Variants in FAM107B observed in about 807,000 individuals in gnomAD.
FAM107B encodes family with sequence similarity 107 member B.
FAM107B carries 21 observed loss-of-function variants against 31.5 expected under a neutral mutation model. That is an observed-to-expected ratio of 0.67 (90% CI 0.47 to 0.96). The LOEUF (loss-of-function observed/expected upper bound fraction) is 0.96. Among genes scored for constraint, FAM107B ranks in the 40% least tolerant of loss-of-function variants. The pLI, the probability that FAM107B is intolerant of heterozygous loss-of-function variation, is 0.00. For synonymous variants in FAM107B, 157 were observed against 141.5 expected, an observed-to-expected ratio of 1.11 and a Z score of -0.78; for missense variants, 452 against 377.1, an observed-to-expected ratio of 1.20 and a Z score of -1.64.
At chr10:14,645,024 G>A (rs1853718549) in intron 2 of FAM107B, among the ~76,000 whole-genome samples, 1 of 152,174 alleles carries the variant, frequency 6.6e-6, no homozygotes, top group African/African-American at 2.4e-5. Flanking sequence ...GTGTCACGGG[G>A]AATCCATTTC....
At chr10:14,690,638 G>C (rs1024461817) in intron 1 of FAM107B, among the ~76,000 whole-genome samples, 1 of 152,004 alleles carries the variant, frequency 6.6e-6, no homozygotes, top group African/African-American at 2.4e-5. Context: ...ATTTTTAGTA[G>C]AGACAGGGTT....
chr10:14,674,022 T>C (rs994049357), intron 1 of FAM107B, among the ~76,000 whole-genome samples: 23 of 151,446 alleles, frequency 1.5e-4, no homozygotes, highest in Non-Finnish European at 1.5e-5. Flanking sequence ...GCGTTCCAAG[T>C]ATCTCTAGAA....
intron 1 of FAM107B, among the ~76,000 whole-genome samples, chr10:14,710,474 A>G (rs1440371833): frequency 7.5e-6 from 1 of 133,272 alleles, no homozygotes; most frequent in Non-Finnish European, 1.6e-5. Context: ...ACACACACAC[A>G]CACAAAATGT....
chr10:14,524,510 T>C (rs1357568002), intron 3 of FAM107B, among the ~76,000 whole-genome samples: 1 of 152,216 alleles, frequency 6.6e-6, no homozygotes, highest in East Asian at 1.9e-4. Context: ...TATTTCACAG[T>C]TATCAAAACT....
At chr10:14,707,602 G>C (rs899776166) in intron 1 of FAM107B, among the ~76,000 whole-genome samples, 1 of 152,158 alleles carries the variant, frequency 6.6e-6, no homozygotes, top group African/African-American at 2.4e-5. Flanking sequence ...GGGCATGCTG[G>C]TCTCATGGGA....
At chr10:14,639,374 G>T (rs1160674644) in intron 2 of FAM107B, among the ~76,000 whole-genome samples, 1 of 152,034 alleles carries the variant, frequency 6.6e-6, no homozygotes, top group Non-Finnish European at 1.5e-5. Context: ...TCTGTTCTGG[G>T]TACAGTCCTT....
chr10:14,680,601 A>AACCTGAGG (rs1440410423), intron 1 of FAM107B, among the ~76,000 whole-genome samples: 1 of 148,774 alleles, frequency 6.7e-6, no homozygotes, highest in East Asian at 2.0e-4. Context: ...GCACAGAGGG[A>AACCTGAGG]ACCTGAGGAA....
intron 1 of FAM107B, among the ~76,000 whole-genome samples, chr10:14,767,618 C>A (rs966225528): frequency 1.3e-5 from 2 of 149,228 alleles, no homozygotes; most frequent in African/African-American, 5.2e-5. Context: ...AATTCAACAC[C>A]CTTTCATAAT....
At chr10:14,749,371 C>A (rs1043762530) in intron 1 of FAM107B, among the ~76,000 whole-genome samples, 6 of 152,126 alleles carry the variant, frequency 3.9e-5, no homozygotes, top group Admixed American at 6.5e-5. Flanking sequence ...GTCAGCTCCG[C>A]CCCACCAGTG....
intron 2 of FAM107B, among the ~76,000 whole-genome samples, chr10:14,543,395 T>C (rs1314299105): frequency 2.0e-5 from 3 of 152,170 alleles, no homozygotes; most frequent in Admixed American, 2.0e-4. Flanking sequence ...TCTGAAGCCT[T>C]TGGAGACCAC....
chr10:14,546,475 T>A (rs1314945831), intron 2 of FAM107B, among the ~76,000 whole-genome samples: 1 of 152,248 alleles, frequency 6.6e-6, no homozygotes, highest in Non-Finnish European at 1.5e-5. Context: ...TACACTTTAA[T>A]AACAGCTCGA....
intron 2 of FAM107B, among the ~76,000 whole-genome samples, chr10:14,539,482 CA>C (rs1254233363): frequency 6.6e-6 from 1 of 150,906 alleles, no homozygotes; most frequent in Non-Finnish European, 1.5e-5. Context: ...TGATCAAAGC[CA>C]AAGTTAAAAA....
intron 2 of FAM107B, among the ~76,000 whole-genome samples, chr10:14,593,016 C>T (rs1852070300): frequency 6.6e-6 from 1 of 152,192 alleles, no homozygotes; most frequent in Admixed American, 6.6e-5. Flanking sequence ...AATGGTTGAC[C>T]TCTTTCACTC....
chr10:14,680,835 G>C (rs556527893), intron 1 of FAM107B, among the ~76,000 whole-genome samples: 15 of 152,148 alleles, frequency 9.9e-5, no homozygotes, highest in Non-Finnish European at 1.8e-4. Flanking sequence ...TTGGAGCCCA[G>C]TGTCTCCCTT....
At chr10:14,747,068 T>C (rs1832739380) in intron 1 of FAM107B, among the ~76,000 whole-genome samples, 1 of 152,228 alleles carries the variant, frequency 6.6e-6, no homozygotes, top group African/African-American at 2.4e-5. Context: ...AATTCTTTCC[T>C]CTACTTGATC....
chr10:14,624,784 G>A (rs947305923), intron 2 of FAM107B, among the ~76,000 whole-genome samples: 1 of 152,200 alleles, frequency 6.6e-6, no homozygotes, highest in African/African-American at 2.4e-5. Flanking sequence ...AACAGAGTGG[G>A]TGGAGCTGTT....
chr10:14,567,448 A>C (rs1194299404), intron 2 of FAM107B, among the ~76,000 whole-genome samples: 1 of 152,056 alleles, frequency 6.6e-6, no homozygotes. Context: ...AGGAGGTTGG[A>C]AAAGTCATTA....
rs190389406 is a variant in FAM107B at position 14,628,522 on chromosome 10, T to C, written c.469+39112A>G. Among the ~76,000 whole-genome samples, 250 of 152,284 alleles carry C rather than the reference T, an allele frequency of 1.6e-3. 1 individual carries two copies. The highest frequency in any genetic ancestry group is 6.8e-3 in the Middle Eastern group (2 of 294). On this transcript the variant is annotated intron_variant, in intron 2 of 4. Transcript: ENST00000181796. ...CTAGGAATGGAAACCCCAACTTCCTTGGGAAGTATTTGTAAACTTCTTAGA... is the reference window on the plus strand; with the variant it reads ...CTAGGAATGGAAACCCCAACTTCCTCGGGAAGTATTTGTAAACTTCTTAGA...
chr10:14,720,257 T>A (rs895564633), intron 1 of FAM107B, among the ~76,000 whole-genome samples: 13 of 150,940 alleles, frequency 8.6e-5, no homozygotes, highest in Admixed American at 2.7e-4. Context: ...TTTTTGGTAA[T>A]TTTTTTTTTC....
Sources: allele counts gnomAD v4.1 joint callset (sites outside exome capture counted in the v4.1 genomes callset), GRCh38; gene constraint gnomAD v4.1.1; transcripts MANE v1.5; gene names NCBI Gene and HGNC (gene_info 2026-07-23, HGNC 2026-07-21).